Variants in CHD5 observed in about 807,000 individuals in gnomAD.
CHD5 encodes ATP-dependent chromatin remodeler CHD5.
In CHD5, 69 loss-of-function variants were observed where a neutral mutation model predicts 230.3. The ratio of observed to expected loss-of-function variants is 0.30; its 90% CI spans 0.25 to 0.37. CHD5 has a LOEUF of 0.37. CHD5 is among the 10% of genes least tolerant of loss of function. The probability of loss-of-function intolerance (pLI) is 1.00; values close to 1 mark genes in which losing one functional copy is unlikely to be tolerated. For synonymous variants in CHD5, 1,064 were observed against 1,065.9 expected (o/e 1.00, Z 0.03); for missense variants, 1,827 against 2,622.8 (o/e 0.70, Z 6.63).
rs1571144464 is a variant in CHD5, at chr1:6,121,861, G to A, written c.4700-288C>T. ...GCTGCTCATCTGGAGGCAGGGAAGT[G>A]AGGCAGATGGAGGCCCAGATTGGGA... is the stretch of plus-strand genomic sequence containing the variant. On this transcript the variant is annotated intron_variant, in intron 31 of 41. Transcript: ENST00000262450. The surrounding 1 kb of genome is among the most constrained non-coding windows in gnomAD (Gnocchi z 4.5). Among the ~76,000 whole-genome samples the A allele has an allele frequency of 6.6e-6, 1 of 152,214 alleles. No individual in the cohort carries two copies. Among genetic ancestry groups the A allele is most frequent in the South Asian group, 2.1e-4 (1 of 4,828 alleles).
intron 17 of CHD5, among the ~76,000 whole-genome samples, chr1:6,135,870 C>A (rs1046429617): frequency 6.6e-6 from 1 of 152,046 alleles, no homozygotes; most frequent in Admixed American, 6.6e-5. Context: ...ATTAGCCGGG[C>A]GTGGTGACAC....
chr1:6,146,718 CAAAG>C lies in CHD5; in HGVS notation c.1533_1536del (p.Phe511LeufsTer15). On this transcript the variant is annotated frameshift_variant, in exon 10 of 42. Coordinates refer to ENST00000262450, the MANE Select transcript of CHD5 (RefSeq NM_015557.3). LOFTEE classifies it high-confidence loss of function. The surrounding 1 kb of genome is among the most constrained non-coding windows in gnomAD (Gnocchi z 5.1). ...CAGTAGGACAGCCCTGCCCACTTGA[CAAAG>C]AACTCTCTCTCAGGGATGCCCTCCA... 6.2e-7 allele frequency: 1 copy of C among 1,613,630 alleles called. No homozygotes were observed. Among genetic ancestry groups the C allele is most frequent in the Non-Finnish European group, 8.5e-7 (1 of 1,179,842 alleles).
chr1:6,142,751 G>A lies in CHD5; in HGVS notation c.2044-146C>T. 1 of 927,468 alleles carries A rather than the reference G, an allele frequency of 1.1e-6. No individual in the cohort carries two copies. Among genetic ancestry groups the A allele is most frequent in the Non-Finnish European group, 1.6e-6 (1 of 643,132 alleles). 57.5% of individuals were successfully genotyped at this position (927,468 alleles called of 1,614,324 possible). On this transcript the variant is annotated intron_variant, in intron 13 of 41. Coordinates refer to ENST00000262450, the MANE Select transcript of CHD5 (RefSeq NM_015557.3). The surrounding 1 kb of genome is among the most constrained non-coding windows in gnomAD (Gnocchi z 5.2). ...CCTAACTCTTCTCCAGTTCTTGGAT[G>A]GAACACCTCTTCCTCTAGGAAGCCC...
Position 6,155,014 on chromosome 1 carries a change from G to A in CHD5, c.507-116C>T. 3.2e-6 allele frequency: 3 copies of A among 940,924 alleles called. No homozygotes were observed. The South Asian group carries it at 5.0e-5, about 16-fold the overall frequency. 58.3% of individuals were successfully genotyped at this position (940,924 alleles called of 1,614,324 possible). ...GTGCGATCTATGGCAGCAGCCCCAGGTTCCTGATTAGAGAGATTAGGCGGG... is the reference window on the plus strand; with the variant it reads ...GTGCGATCTATGGCAGCAGCCCCAGATTCCTGATTAGAGAGATTAGGCGGG... On this transcript the variant is annotated intron_variant, in intron 4 of 41. Transcript: ENST00000262450. The surrounding 1 kb of genome is among the most constrained non-coding windows in gnomAD (Gnocchi z 4.0).
At chr1:6,161,525 C>G (rs1667177313) in intron 2 of CHD5, among the ~76,000 whole-genome samples, 2 of 152,244 alleles carry the variant, frequency 1.3e-5, no homozygotes, top group Middle Eastern at 3.2e-3. Flanking sequence ...AGCAGGGCCT[C>G]TGTGCTCTTT....
chr1:6,165,167 C>T (rs1667232512), intron 2 of CHD5, among the ~76,000 whole-genome samples: 2 of 152,130 alleles, frequency 1.3e-5, no homozygotes. Flanking sequence ...AGAACCAGCC[C>T]TCCCAGGTCT....
rs1666711814 is a variant in CHD5, at chr1:6,134,657, G to A, written c.3012+61C>T. On this transcript the variant is annotated intron_variant, in intron 19 of 41. Transcript: ENST00000262450. The surrounding 1 kb of genome is among the most constrained non-coding windows in gnomAD (Gnocchi z 6.3). ...AGCGGCCACAGGGACCTACCATGGC[G>A]GCCACAGGCACCTACCATGGCGGTC... is the stretch of plus-strand genomic sequence containing the variant. 23 of 1,530,554 alleles carry A rather than the reference G, an allele frequency of 1.5e-5. No homozygotes were observed. The highest frequency in any genetic ancestry group is 4.5e-5 in the East Asian group (2 of 44,570). The allele number at this position is 1,530,554 out of a possible 1,614,324, so 94.8% of individuals were successfully genotyped here.
chr1:6,125,146 G>T lies in CHD5; in HGVS notation c.4348C>A (p.His1450Asn). ...GMPPQDAFNS[H>N]WLVRDLRGKS... is the part of the protein sequence containing the mutation. ...CCTCGAAGGTCCCGCACCAGCCAGT[G>T]GGAGTTGAAGGCGTCCTGCGGGGGC... Residue 1450 changes from histidine to asparagine, a missense_variant, in exon 29 of 42, where the codon CAC becomes AAC. Physicochemically the swap from His to Asn is moderately conservative, Grantham distance 68 (BLOSUM62 1). This residue lies in a region of CHD5 where 108 missense variants were observed against 152.4 expected (regional missense o/e 0.71). Coordinates refer to ENST00000262450, the MANE Select transcript of CHD5 (RefSeq NM_015557.3). This position sits in a 1 kb window ranked among gnomAD's most constrained non-coding sequence, Gnocchi z 6.7. 1 of 1,605,950 alleles carries T rather than the reference G, an allele frequency of 6.2e-7. No homozygotes were observed.
chr1:6,117,569 A>T (rs561365311), intron 33 of CHD5, among the ~76,000 whole-genome samples: 91 of 152,354 alleles, frequency 6.0e-4, no homozygotes, highest in African/African-American at 2.2e-3. Flanking sequence ...TAATTAATTT[A>T]AAAAGAACTC....
intron 1 of CHD5, among the ~76,000 whole-genome samples, chr1:6,174,805 A>T (rs1461614293): frequency 6.7e-6 from 1 of 150,354 alleles, no homozygotes; most frequent in Non-Finnish European, 1.5e-5. Context: ...TGAATGGTGG[A>T]TGGAAGATGG....
intron 3 of CHD5, among the ~76,000 whole-genome samples, chr1:6,156,275 G>T (rs988735730): frequency 2.0e-5 from 3 of 151,904 alleles, no homozygotes; most frequent in African/African-American, 7.3e-5. Context: ...GGTGGCTCAC[G>T]CCCGTAATCC....
In CHD5 at chr1:6,129,582, G is replaced by A. The variant is rs1334770965; in HGVS notation, c.3388-513C>T. ...CATGAGGTGACCTGGGTGTGGCCGT[G>A]TATATCTGTGTATGTGCATGGGCGC... On this transcript the variant is annotated intron_variant, in intron 22 of 41. Coordinates refer to ENST00000262450, the MANE Select transcript of CHD5 (RefSeq NM_015557.3). The surrounding 1 kb of genome is among the most constrained non-coding windows in gnomAD (Gnocchi z 6.8). Among the ~76,000 whole-genome samples the A allele has an allele frequency of 6.6e-6, 1 of 152,184 alleles. No individual in the cohort carries two copies.
At position 6,125,667 on chromosome 1, in the gene CHD5, C is replaced by T; in HGVS notation, c.4172-55G>A. 1 of 1,608,140 alleles carries T rather than the reference C, an allele frequency of 6.2e-7. No homozygotes were observed. Among genetic ancestry groups the T allele is most frequent in the Non-Finnish European group, 8.5e-7 (1 of 1,174,724 alleles). On this transcript the variant is annotated intron_variant, in intron 27 of 41. Coordinates refer to ENST00000262450, the MANE Select transcript of CHD5 (RefSeq NM_015557.3). This position sits in a 1 kb window ranked among gnomAD's most constrained non-coding sequence, Gnocchi z 6.7. ...GTGGGAGCCCAGAGATTCCTGATCCCCAAGGACAGCGGGACCCCAGACCAG... is the reference window on the plus strand; with the variant it reads ...GTGGGAGCCCAGAGATTCCTGATCCTCAAGGACAGCGGGACCCCAGACCAG...
At position 6,167,318 on chromosome 1, in the gene CHD5, G is replaced by A. The variant is rs1006674735; in HGVS notation, c.207+832C>T. On this transcript the variant is annotated intron_variant, in intron 2 of 41. Transcript: ENST00000262450. This position sits in a 1 kb window ranked among gnomAD's most constrained non-coding sequence, Gnocchi z 4.5. ...TGACCTTGGGCCAGGGCACCTCTGA[G>A]CCCCCGCTCTCATCTGTGAAGTGAG... 3.9e-5 allele frequency among the ~76,000 whole-genome samples: 6 copies of A among 152,188 alleles called. No individual in the cohort carries two copies. The highest frequency in any genetic ancestry group is 8.8e-5 in the Non-Finnish European group (6 of 68,042).
At chr1:6,107,105 G>A (rs1392232195) in intron 38 of CHD5, among the ~76,000 whole-genome samples, 2 of 139,020 alleles carry the variant, frequency 1.4e-5, no homozygotes, top group Non-Finnish European at 3.1e-5. Flanking sequence ...CGAATGGAGG[G>A]GTGGAAGGAC....
Position 6,134,793 on chromosome 1 carries a change from T to G in CHD5, c.2937A>C (p.Gln979His), listed in dbSNP as rs1666714102. 1.2e-6 allele frequency: 2 copies of G among 1,614,130 alleles called. No individual in the cohort carries two copies. Among genetic ancestry groups the G allele is most frequent in the African/African-American group, 1.3e-5 (1 of 75,028 alleles). Residue 979 changes from glutamine to histidine, a missense_variant, in exon 19 of 42, where the codon CAA becomes CAC. By Grantham distance (24) the Gln-to-His change is conservative (BLOSUM62 0). Around this residue, in one of 14 missense-constraint regions of CHD5, gnomAD observed 16 missense variants for 18.2 expected, o/e 0.88. Transcript: ENST00000262450. The surrounding 1 kb of genome is among the most constrained non-coding windows in gnomAD (Gnocchi z 6.3). Reference sequence around the variant, plus strand: ...CCATCATGATGTTGAGCAGCGATACTTGGTTCCCGCCCCCCTTGGAGTTCA... The same window carrying G: ...CCATCATGATGTTGAGCAGCGATACGTGGTTCCCGCCCCCCTTGGAGTTCA... ...EALNSKGGGN[Q>H]VSLLNIMMDL...
At position 6,121,530 on chromosome 1, in the gene CHD5, G is replaced by A. The variant is rs375435029; in HGVS notation, c.4743C>T (p.Pro1581=). ...GGGGCTGCCTTGGCTTCTGTGCCCC[G>A]GGGTCTTTCTCATCCATGTAGCCCA... ...AQLGYMDEKD[P]GAQKPRQPLE... The change falls in exon 32 of 42, where the codon CCC becomes CCT. Residue 1581 remains proline (P), a synonymous_variant. Transcript: ENST00000262450. The surrounding 1 kb of genome is among the most constrained non-coding windows in gnomAD (Gnocchi z 4.5). The A allele has an allele frequency of 2.1e-5, 34 of 1,612,824 alleles. No homozygotes were observed. Among genetic ancestry groups the A allele is most frequent in the African/African-American group, 2.7e-5 (2 of 74,906 alleles).
rs1255481040 is a variant in CHD5, at chr1:6,154,324, G to A, written c.745+336C>T. On this transcript the variant is annotated intron_variant, in intron 5 of 41. Coordinates refer to ENST00000262450, the MANE Select transcript of CHD5 (RefSeq NM_015557.3). The surrounding 1 kb of genome is among the most constrained non-coding windows in gnomAD (Gnocchi z 7.0). Reference sequence around the variant, plus strand: ...AACTCCCAGAAACCCAGGCTGGAGCGGCTCCACTCTGCGTACCTCTGGTCC... The same window carrying A: ...AACTCCCAGAAACCCAGGCTGGAGCAGCTCCACTCTGCGTACCTCTGGTCC... Among the ~76,000 whole-genome samples the A allele has an allele frequency of 2.6e-5, 4 of 152,118 alleles. No homozygotes were observed. The highest frequency in any genetic ancestry group is 1.3e-4 in the Admixed American group (2 of 15,280).
In CHD5 at chr1:6,105,812, C is replaced by A. The variant is rs1244393578; in HGVS notation, c.*47-385G>T. On this transcript the variant is annotated intron_variant, in intron 41 of 41. Transcript: ENST00000262450. This position sits in a 1 kb window ranked among gnomAD's most constrained non-coding sequence, Gnocchi z 4.8. The stretch of plus-strand genomic sequence containing the variant: ...AGCCCCCACAAAACCCTCAGCCACC[C>A]TCCTGGTCCTGGGCAGGAAGTGAGG... Among the ~76,000 whole-genome samples the A allele has an allele frequency of 1.3e-5, 2 of 152,246 alleles. No individual in the cohort carries two copies. Among genetic ancestry groups the A allele is most frequent in the Non-Finnish European group, 2.9e-5 (2 of 68,046 alleles).
Sources: allele counts gnomAD v4.1 joint callset (sites outside exome capture counted in the v4.1 genomes callset), GRCh38; gene constraint gnomAD v4.1.1; regional missense constraint gnomAD v4.1.1; non-coding constraint Gnocchi (gnomAD v3.1); transcripts MANE v1.5; gene names NCBI Gene and HGNC (gene_info 2026-07-23, HGNC 2026-07-21).